KIAA0408: variants seen among roughly 807,000 people sequenced by gnomAD.
The protein encoded by KIAA0408 is KIAA0408, also known as uncharacterized protein KIAA0408.
A neutral mutation model predicts 60.9 loss-of-function variants in KIAA0408; 51 were observed. The observed-to-expected ratio is 0.84, with a 90% CI of 0.67 to 1.06. The LOEUF (loss-of-function observed/expected upper bound fraction) is 1.06, where lower values mean the gene tolerates loss of function less well. Ranked by LOEUF, KIAA0408 falls within the 50% of genes least tolerant of loss-of-function variation. The probability of loss-of-function intolerance (pLI) is 0.00; values close to 1 mark genes in which losing one functional copy is unlikely to be tolerated. For missense variants in KIAA0408, 787 were observed against 833.9 expected, an observed-to-expected ratio of 0.94 and a Z score of 0.69; for synonymous variants, 304 against 282.4, an observed-to-expected ratio of 1.08 and a Z score of -0.77.
At chr6:127,444,959 C>A (rs1380298797) in intron 5 of KIAA0408, among the ~76,000 whole-genome samples, 1 of 151,838 alleles carries the variant, frequency 6.6e-6, no homozygotes, top group Non-Finnish European at 1.5e-5. Context: ...GGAAAAAAAG[C>A]ATTCCTTGGT....
chr6:127,445,724 CTAAT>C (rs1240536904), intron 5 of KIAA0408, among the ~76,000 whole-genome samples: 2 of 152,014 alleles, frequency 1.3e-5, no homozygotes, highest in African/African-American at 2.4e-5. Flanking sequence ...TCTCTTATAA[CTAAT>C]GAAGATTAAA....
intron 1 of KIAA0408, among the ~76,000 whole-genome samples, chr6:127,457,146 A>C (rs1773410173): frequency 6.6e-6 from 1 of 152,210 alleles, no homozygotes; most frequent in Non-Finnish European, 1.5e-5. Context: ...TATTTAAAGA[A>C]AAAAGTTTTA....
rs1039781209 is a variant in KIAA0408 at position 127,438,758 on chromosome 6, A to C, written c.*5351T>G. The C allele has an allele frequency of 1.9e-4, 29 of 152,216 alleles. No homozygotes were observed. The highest frequency in any genetic ancestry group is 7.0e-4 in the African/African-American group (29 of 41,464). 9.4% of individuals were successfully genotyped at this position (152,216 alleles called of 1,614,324 possible). A position where few individuals can be genotyped will look rare whatever the true frequency, so the allele number is the denominator to read the frequency against. On this transcript the variant is annotated 3_prime_UTR_variant, in exon 6 of 6. Transcript: ENST00000483725. ...AAAAATATTGTATTATAATCTTATC[A>C]TCATATATGTGCATTGAACTGGTTT...
chr6:127,445,915 A>T (rs531493416), intron 5 of KIAA0408, among the ~76,000 whole-genome samples: 1 of 152,264 alleles, frequency 6.6e-6, no homozygotes, highest in South Asian at 2.1e-4. Context: ...CACTGTTTTA[A>T]ATGATGTGTA....
At chr6:127,457,929 T>C (rs1037850605) in intron 1 of KIAA0408, among the ~76,000 whole-genome samples, 4 of 152,226 alleles carry the variant, frequency 2.6e-5, no homozygotes, top group Middle Eastern at 3.2e-3. Flanking sequence ...GCTCCATTGC[T>C]ACTTCTCTCT....
Position 127,449,828 on chromosome 6 carries a change from T to C in KIAA0408, c.572A>G (p.His191Arg), listed in dbSNP as rs765397493. The C allele has an allele frequency of 3.7e-6, 6 of 1,614,032 alleles. No individual in the cohort carries two copies. Among genetic ancestry groups the C allele is most frequent in the South Asian group, 3.3e-5 (3 of 91,088 alleles). Residue 191 changes from histidine to arginine, a missense_variant, in exon 4 of 6, where the codon CAT becomes CGT. Physicochemically the swap from His to Arg is conservative, Grantham distance 29. This residue lies in a region of KIAA0408 where 640 missense variants were observed against 681.3 expected (regional missense o/e 0.94). Coordinates refer to ENST00000483725, the MANE Select transcript of KIAA0408 (RefSeq NM_014702.5). Reference protein sequence around the residue: ...FQEEIRKRSNHRRMKSDSFLQ... With the variant: ...FQEEIRKRSNRRRMKSDSFLQ... ...ATCAGATGTACCAGCCTACCTTCTA[T>C]GGTTAGACCGCTTTCGAATTTCCTC...
chr6:127,456,372 G>A (rs968278217), intron 1 of KIAA0408, among the ~76,000 whole-genome samples: 1 of 152,020 alleles, frequency 6.6e-6, no homozygotes, highest in African/African-American at 2.4e-5. Context: ...TCGCTTCCAT[G>A]CTACTGTTGA....
rs116292432 is a variant in KIAA0408 at position 127,446,100 on chromosome 6, G to A, written c.1911+308C>T. Among the ~76,000 whole-genome samples the A allele has an allele frequency of 7.1e-3, 1,086 of 152,200 alleles. 11 individuals are homozygous for A. Among genetic ancestry groups the A allele is most frequent in the African/African-American group, 0.024 (1,016 of 41,524 alleles). On this transcript the variant is annotated intron_variant, in intron 5 of 5. Transcript: ENST00000483725. ...AATGAAATTCTATAAATTGAGTAAT[G>A]TCCATTCTGAGTATTTTTTCAAGAA...
At chr6:127,451,288 C>G in intron 2 of KIAA0408, 1 of 455,644 alleles carries the variant, frequency 2.2e-6, no homozygotes, top group South Asian at 1.6e-5. Flanking sequence ...ATACCGATAA[C>G]TCAGTTGAGA....
In KIAA0408 at chr6:127,441,895, T is replaced by TA. The variant is rs1773113312; in HGVS notation, c.*2213dup. The TA allele has an allele frequency of 6.6e-6, 1 of 152,198 alleles. No homozygotes were observed. The highest frequency in any genetic ancestry group is 1.5e-5 in the Non-Finnish European group (1 of 68,030). 9.4% of individuals were successfully genotyped at this position (152,198 alleles called of 1,614,324 possible). On this transcript the variant is annotated 3_prime_UTR_variant, in exon 6 of 6. Coordinates refer to ENST00000483725, the MANE Select transcript of KIAA0408 (RefSeq NM_014702.5). ...AATTTTAGTCAACATAAGAAGACGT[T>TA]AAAATGTGTCCCACTGGTTCATTCA...
intron 1 of KIAA0408, among the ~76,000 whole-genome samples, chr6:127,457,841 AC>A (rs1773422680): frequency 6.6e-6 from 1 of 152,156 alleles, no homozygotes; most frequent in Admixed American, 6.6e-5. Flanking sequence ...CTGGGTCACT[AC>A]CCTTTCAACC....
At position 127,447,207 on chromosome 6, in the gene KIAA0408, C is replaced by G; in HGVS notation, c.1112G>C (p.Arg371Thr). ...CTGAAACCACGAAGTAGAGGGGCTCCTTTTTGCACCTATCCCAATGTCACA... is the reference window on the plus strand; with the variant it reads ...CTGAAACCACGAAGTAGAGGGGCTCGTTTTTGCACCTATCCCAATGTCACA... ...WSCDIGIGAK[R>T]SPSTSWFQKT... Residue 371 changes from arginine to threonine, a missense_variant, in exon 5 of 6, where the codon AGG (arginine) becomes ACG (threonine). By Grantham distance (71) the Arg-to-Thr change is moderately conservative. Transcript: ENST00000483725. The G allele has an allele frequency of 6.2e-7, 1 of 1,611,918 alleles. No individual in the cohort carries two copies.
Position 127,446,566 on chromosome 6 carries a change from G to T in KIAA0408, c.1753C>A (p.Gln585Lys). Reference sequence around the variant, plus strand: ...GAATTACATTTGGTCCAATTATCCTGGAAGCACTTAGAATTTTGCAATGCA... The same window carrying T: ...GAATTACATTTGGTCCAATTATCCTTGAAGCACTTAGAATTTTGCAATGCA... ...ESALQNSKCF[Q>K]DNWTKCNSDV... The change falls in exon 5 of 6, where the codon CAG becomes AAG. Residue 585 changes from glutamine to lysine, a missense_variant. By Grantham distance (53) the Gln-to-Lys change is moderately conservative (BLOSUM62 1). Around this residue, in one of 3 missense-constraint regions of KIAA0408, gnomAD observed 14 missense variants for 33.4 expected, o/e 0.42. Coordinates refer to ENST00000483725, the MANE Select transcript of KIAA0408 (RefSeq NM_014702.5). 6.2e-7 allele frequency: 1 copy of T among 1,614,140 alleles called. No individual in the cohort carries two copies. The highest frequency in any genetic ancestry group is 8.5e-7 in the Non-Finnish European group (1 of 1,180,030).
intron 4 of KIAA0408, among the ~76,000 whole-genome samples, chr6:127,449,411 A>T (rs994088035): frequency 6.6e-6 from 1 of 152,136 alleles, no homozygotes; most frequent in African/African-American, 2.4e-5. Flanking sequence ...GCACTTTGGG[A>T]GGCTGAGGCA....
At position 127,439,816 on chromosome 6, in the gene KIAA0408, G is replaced by A. The variant is rs1773076070; in HGVS notation, c.*4293C>T. On this transcript the variant is annotated 3_prime_UTR_variant, in exon 6 of 6. Coordinates refer to ENST00000483725, the MANE Select transcript of KIAA0408 (RefSeq NM_014702.5). ...TGTTGTAAGAAGCAGACAAGTCGTGGAATATGAATTTGCTTTGCAAACAAT... is the reference window on the plus strand; with the variant it reads ...TGTTGTAAGAAGCAGACAAGTCGTGAAATATGAATTTGCTTTGCAAACAAT... 1 of 152,126 alleles carries A rather than the reference G, an allele frequency of 6.6e-6. No individual in the cohort carries two copies. Among genetic ancestry groups the A allele is most frequent in the East Asian group, 1.9e-4 (1 of 5,194 alleles). 9.4% of individuals were successfully genotyped at this position (152,126 alleles called of 1,614,324 possible). A position where few individuals can be genotyped will look rare whatever the true frequency, so the allele number is the denominator to read the frequency against.
intron 5 of KIAA0408, among the ~76,000 whole-genome samples, chr6:127,444,788 CA>C (rs943257754): frequency 1.3e-5 from 2 of 151,672 alleles, no homozygotes; most frequent in Non-Finnish European, 2.9e-5. Flanking sequence ...CACTATCTAT[CA>C]AAACCTTAAA....
Position 127,443,246 on chromosome 6 carries a change from T to C in KIAA0408, c.*863A>G, listed in dbSNP as rs1773134496. 1 of 152,148 alleles carries C rather than the reference T, an allele frequency of 6.6e-6. No individual in the cohort carries two copies. Among genetic ancestry groups the C allele is most frequent in the South Asian group, 2.1e-4 (1 of 4,812 alleles). 9.4% of individuals were successfully genotyped at this position (152,148 alleles called of 1,614,324 possible). ...TCATTCAGTTTCTTTTTGCATCCCA[T>C]TTAGGAAATGTTTGTTGCTGAGGCT... On this transcript the variant is annotated 3_prime_UTR_variant, in exon 6 of 6. Transcript: ENST00000483725.
intron 2 of KIAA0408, among the ~76,000 whole-genome samples, chr6:127,451,646 A>C (rs1262409569): frequency 2.0e-5 from 3 of 152,156 alleles, no homozygotes; most frequent in Non-Finnish European, 4.4e-5. Flanking sequence ...TTATCATTTG[A>C]ATTTGAAGGT....
In KIAA0408 at chr6:127,447,168, G is replaced by T; in HGVS notation, c.1151C>A (p.Thr384Asn). The change falls in exon 5 of 6, where the codon ACC (threonine) becomes AAC (asparagine). Residue 384 changes from threonine (T) to asparagine (N), a missense_variant. Coordinates refer to ENST00000483725, the MANE Select transcript of KIAA0408 (RefSeq NM_014702.5). ...CATTTCATATTTTGGATTACTGGGG[G>T]TAGAGCAGGTTTTCTGAAACCACGA... Reference protein sequence around the residue: ...STSWFQKTCSTPSNPKYEMVI... With the variant: ...STSWFQKTCSNPSNPKYEMVI... 6.2e-7 allele frequency: 1 copy of T among 1,613,064 alleles called. No individual in the cohort carries two copies. Among genetic ancestry groups the T allele is most frequent in the Non-Finnish European group, 8.5e-7 (1 of 1,179,666 alleles).
Sources: gnomAD v4.1 joint callset for allele counts (sites outside exome capture counted in the v4.1 genomes callset) on GRCh38, gnomAD v4.1.1 for gene constraint, gnomAD v4.1.1 regional missense constraint, MANE v1.5 for transcripts, NCBI Gene and HGNC (gene_info 2026-07-23, HGNC 2026-07-21) for gene names.